CA5A: variants seen among roughly 807,000 people sequenced by gnomAD.
CA5A encodes carbonic anhydrase 5A, also known as carbonic anhydrase 5A, mitochondrial.
A neutral mutation model predicts 37.1 loss-of-function variants in CA5A; 28 were observed. That is an observed-to-expected ratio of 0.75 (90% CI 0.56 to 1.03). CA5A has a LOEUF of 1.03. Ranked by LOEUF, CA5A falls within the 50% of genes least tolerant of loss-of-function variation. CA5A has a pLI of 0.00. For synonymous variants in CA5A, 171 were observed against 158.4 expected (o/e 1.08, Z -0.60); for missense variants, 444 against 399.9 (o/e 1.11, Z -0.94).
chr16:87,912,351 A>G (rs1231146119), intron 2 of CA5A, among the ~76,000 whole-genome samples: 2 of 152,174 alleles, frequency 1.3e-5, no homozygotes, highest in Non-Finnish European at 2.9e-5. Context: ...CCTCACTGCC[A>G]TCACCATCAT....
intron 1 of CA5A, among the ~76,000 whole-genome samples, chr16:87,927,233 C>G (rs1182338648): frequency 2.0e-5 from 3 of 152,244 alleles, no homozygotes; most frequent in Admixed American, 1.3e-4. Context: ...TTGTGTTGCC[C>G]TCGTCACAGA....
chr16:87,915,986 G>C (rs968547874), intron 2 of CA5A, among the ~76,000 whole-genome samples: 4 of 151,860 alleles, frequency 2.6e-5, no homozygotes, highest in South Asian at 2.1e-4. Flanking sequence ...TCGCAATCAC[G>C]GCAGAAGGCG....
chr16:87,897,239 G>A (rs1244330959), intron 5 of CA5A, among the ~76,000 whole-genome samples: 1 of 152,274 alleles, frequency 6.6e-6, no homozygotes, highest in African/African-American at 2.4e-5. Flanking sequence ...TTCCCCGGTA[G>A]CTCTGACTGT....
chr16:87,897,991 A>C (rs1484901449), intron 5 of CA5A, among the ~76,000 whole-genome samples: 3 of 151,788 alleles, frequency 2.0e-5, no homozygotes, highest in African/African-American at 7.3e-5. Flanking sequence ...GTGCTTTGTG[A>C]CTCTGGAAGC....
intron 1 of CA5A, among the ~76,000 whole-genome samples, chr16:87,930,473 TC>T (rs1394079755): frequency 2.6e-5 from 4 of 152,184 alleles, no homozygotes; most frequent in South Asian, 4.1e-4. Flanking sequence ...TCCGGACCCT[TC>T]CCCAGTGGAA....
chr16:87,932,117 A>G (rs1265204960), intron 1 of CA5A, among the ~76,000 whole-genome samples: 1 of 149,918 alleles, frequency 6.7e-6, no homozygotes, highest in Non-Finnish European at 1.5e-5. Flanking sequence ...TCCGTCTAAG[A>G]AAAAAAAAAG....
At chr16:87,934,001 C>T (rs565634200) in intron 1 of CA5A, among the ~76,000 whole-genome samples, 45 of 152,304 alleles carry the variant, frequency 3.0e-4, no homozygotes, top group Admixed American at 6.5e-4. Flanking sequence ...CTCTAGCACA[C>T]GATGTAAGAG....
At chr16:87,896,002 C>T (rs774337553) in intron 5 of CA5A, among the ~76,000 whole-genome samples, 4 of 152,192 alleles carry the variant, frequency 2.6e-5, no homozygotes, top group South Asian at 2.1e-4. Flanking sequence ...GGGTAACAGG[C>T]GGGTGTGCAG....
At chr16:87,926,678 G>T in intron 2 of CA5A, 70 bp downstream of exon 2, 3 of 1,250,500 alleles carry the variant, frequency 2.4e-6, no homozygotes, top group South Asian at 1.3e-5. Context: ...CCCCTTCTCC[G>T]CGAAGCTCTT....
At chr16:87,921,692 G>A (rs1597579054) in intron 2 of CA5A, among the ~76,000 whole-genome samples, 1 of 152,126 alleles carries the variant, frequency 6.6e-6, no homozygotes, top group African/African-American at 2.4e-5. Flanking sequence ...CAGGAGGCAG[G>A]AGGATGGAAG....
chr16:87,915,855 A>C (rs1006959596), intron 2 of CA5A, among the ~76,000 whole-genome samples: 5 of 152,058 alleles, frequency 3.3e-5, no homozygotes, highest in African/African-American at 1.2e-4. Context: ...ATAACATTTA[A>C]TAAGAAACAA....
intron 2 of CA5A, among the ~76,000 whole-genome samples, chr16:87,926,314 C>T (rs1038305506): frequency 3.3e-5 from 5 of 152,168 alleles, no homozygotes; most frequent in Non-Finnish European, 4.4e-5. Context: ...ATGCCCCTGC[C>T]CTGCTGTGGA....
downstream of CA5A, chr16:87,885,472 C>G (rs2055641015): frequency 6.6e-6 from 1 of 152,338 alleles, no homozygotes; most frequent in African/African-American, 2.4e-5. Flanking sequence ...GGCACACCCT[C>G]CAGAAAGCAC....
At chr16:87,882,235 C>G (rs1321135902) in intron 4 of CA5A, 1 of 152,260 alleles carries the variant, frequency 6.6e-6, no homozygotes, top group Non-Finnish European at 1.5e-5. Context: ...GAAGCCCAGA[C>G]AAGTGCCTTC....
At chr16:87,902,050 C>A in intron 4 of CA5A, 76 bp from the exon 5 acceptor site, 1 of 1,334,294 alleles carries the variant, frequency 7.5e-7, no homozygotes, top group Non-Finnish European at 1.1e-6. Context: ...TGTAAATACA[C>A]CACGTTTTAA....
chr16:87,922,666 G>T (rs544025803), intron 2 of CA5A, among the ~76,000 whole-genome samples: 3 of 152,364 alleles, frequency 2.0e-5, no homozygotes, highest in Middle Eastern at 3.4e-3. Flanking sequence ...CCAGAGGCCC[G>T]TCTGGGCCCT....
intron 2 of CA5A, among the ~76,000 whole-genome samples, chr16:87,917,030 G>A (rs1053517304): frequency 7.3e-5 from 11 of 151,624 alleles, no homozygotes; most frequent in Admixed American, 3.3e-4. Flanking sequence ...GTGTGAACCC[G>A]GGAGGCGGAG....
At chr16:87,928,694 A>AAACAAAGC (rs1227960936) in intron 1 of CA5A, among the ~76,000 whole-genome samples, 6 of 151,386 alleles carry the variant, frequency 4.0e-5, no homozygotes, top group African/African-American at 1.5e-4. Context: ...TCTTGCAATT[A>AAACAAAGC]AACAAAGCTG....
At position 87,934,653 on chromosome 16, in the gene CA5A, C is replaced by T. The variant is rs540864377; in HGVS notation, c.142+1656G>A. 1.1e-3 allele frequency among the ~76,000 whole-genome samples: 161 copies of T among 151,474 alleles called. 2 individuals carry two copies. Among genetic ancestry groups the T allele is most frequent in the African/African-American group, 3.6e-3 (148 of 41,274 alleles). On this transcript the variant is annotated intron_variant, in intron 1 of 6. Coordinates refer to ENST00000649794, the MANE Select transcript of CA5A (RefSeq NM_001739.2). Reference sequence around the variant, plus strand: ...AATCTAGGCAGGCTAGCGCTCTTGACGGTCGTACTAAGAATAAAAAAGGGG... The same window carrying T: ...AATCTAGGCAGGCTAGCGCTCTTGATGGTCGTACTAAGAATAAAAAAGGGG...
Sources: allele counts gnomAD v4.1 joint callset (sites outside exome capture counted in the v4.1 genomes callset), GRCh38; gene constraint gnomAD v4.1.1; transcripts MANE v1.5; gene names NCBI Gene and HGNC (gene_info 2026-07-23, HGNC 2026-07-21).